NLRC5: variants seen among roughly 807,000 people sequenced by gnomAD.
The protein encoded by NLRC5 is NLR family CARD domain containing 5.
Under a neutral mutation model 206.9 loss-of-function variants are expected in NLRC5, and 114 were observed. The observed-to-expected ratio is 0.55, with a 90% CI of 0.47 to 0.64. The LOEUF (loss-of-function observed/expected upper bound fraction) is 0.64. Among genes scored for constraint, NLRC5 ranks in the 30% least tolerant of loss-of-function variants. NLRC5 has a pLI of 0.00. For missense variants in NLRC5, 2,008 were observed against 2,305.5 expected (o/e 0.87, Z 2.64); for synonymous variants, 952 against 962.8 (o/e 0.99, Z 0.21).
chr16:57,006,888 C>CATTATTATTATTATTATTATTATTATT (rs9302685), intron 1 of NLRC5, among the ~76,000 whole-genome samples: 2 of 144,058 alleles, frequency 1.4e-5, no homozygotes, highest in Admixed American at 7.0e-5. Context: ...ACCGTTAACA[C>CATTATTATTATTATTATTATTATTATT]ATTATTATTA....
chr16:57,030,485 T>A (rs1475133229), intron 10 of NLRC5, among the ~76,000 whole-genome samples: 1 of 136,032 alleles, frequency 7.4e-6, no homozygotes, highest in Non-Finnish European at 1.6e-5. Flanking sequence ...GATGGGTGGA[T>A]GAAAAGATGG....
At chr16:57,080,072 A>C (rs2068939033) in intron 46 of NLRC5, among the ~76,000 whole-genome samples, 1 of 152,164 alleles carries the variant, frequency 6.6e-6, no homozygotes. Flanking sequence ...GTCTCTTAGC[A>C]ATCAGAATCC....
chr16:57,029,405 G>A (rs773002284), intron 8 of NLRC5, among the ~76,000 whole-genome samples: 4 of 152,146 alleles, frequency 2.6e-5, no homozygotes, highest in Admixed American at 6.5e-5. Context: ...TGTCTGCAGC[G>A]TCCCAGTCTA....
At chr16:57,078,480 T>TTTGTTTTTTG (rs2068716595) in intron 43 of NLRC5, among the ~76,000 whole-genome samples, 2 of 146,572 alleles carry the variant, frequency 1.4e-5, no homozygotes, top group African/African-American at 5.1e-5. Context: ...TTTTTTTTTT[T>TTTGTTTTTTG]TTTTTTTTTT....
At chr16:57,007,185 G>A (rs57738835) in intron 1 of NLRC5, among the ~76,000 whole-genome samples, 3,849 of 152,190 alleles carry the variant, frequency 0.025, 142 homozygotes, top group African/African-American at 0.077. Flanking sequence ...CAAGCCTGTC[G>A]TCAGTTTCCT....
intron 11 of NLRC5, among the ~76,000 whole-genome samples, chr16:57,033,155 G>A (rs2062078145): frequency 1.3e-5 from 2 of 152,098 alleles, no homozygotes; most frequent in Admixed American, 1.3e-4. Context: ...CATGCTCCTC[G>A]CCTTCTGAAC....
At chr16:57,055,543 G>A in intron 27 of NLRC5, 24 bp downstream of exon 27, 18 of 1,599,934 alleles carry the variant, frequency 1.1e-5, no homozygotes, top group Non-Finnish European at 1.5e-5. Context: ...GGAGGAGGAA[G>A]GAGAGGAGCA....
At chr16:57,038,323 A>G (rs2062857201) in intron 15 of NLRC5, among the ~76,000 whole-genome samples, 3 of 152,200 alleles carry the variant, frequency 2.0e-5, no homozygotes, top group South Asian at 4.1e-4. Flanking sequence ...CAGTGACACA[A>G]TCACAGCTCA....
At chr16:57,018,410 A>G (rs1487725889) in intron 2 of NLRC5, among the ~76,000 whole-genome samples, 4 of 152,210 alleles carry the variant, frequency 2.6e-5, no homozygotes, top group African/African-American at 9.6e-5. Flanking sequence ...TTCCTTGGCC[A>G]TGGTCTTTCC....
intron 38 of NLRC5, among the ~76,000 whole-genome samples, chr16:57,072,714 A>ACACAGTGGCTATAAAAT (rs1338180294): frequency 5.5e-5 from 2 of 36,092 alleles, no homozygotes; most frequent in Non-Finnish European, 1.2e-4. Flanking sequence ...TGACCAAAAA[A>ACACAGTGGCTATAAAAT]GTTCCATCTT....
chr16:57,003,749 C>T (rs1347833987), intron 1 of NLRC5: 2 of 152,282 alleles, frequency 1.3e-5, no homozygotes, highest in African/African-American at 2.4e-5. Context: ...GCTCAGCTGC[C>T]TCTGCTACCC....
At chr16:57,019,337 C>G (rs962987138) in intron 2 of NLRC5, among the ~76,000 whole-genome samples, 1 of 152,128 alleles carries the variant, frequency 6.6e-6, no homozygotes, top group Non-Finnish European at 1.5e-5. Flanking sequence ...GCGGAGGCTG[C>G]AGTGAGCCGA....
At position 57,046,486 on chromosome 16, in the gene NLRC5, T is replaced by C. The variant is rs1406457284; in HGVS notation, c.3249-66T>C. The C allele has an allele frequency of 3.0e-6, 4 of 1,334,592 alleles. No individual in the cohort carries two copies. In the East Asian group the frequency reaches 9.2e-5, roughly 31 times the overall value. 82.7% of individuals were successfully genotyped at this position (1,334,592 alleles called of 1,614,324 possible). On this transcript the variant is annotated intron_variant, in intron 21 of 48. Coordinates refer to ENST00000688547, the MANE Select transcript of NLRC5 (RefSeq NM_001384950.1). ...CTAAACGATCCCCCTCCTAGGGGTATATGGGCTGGGCTGGGAGTCCGAGGG... is the reference window on the plus strand; with the variant it reads ...CTAAACGATCCCCCTCCTAGGGGTACATGGGCTGGGCTGGGAGTCCGAGGG...
chr16:57,015,389 G>T (rs1012270855), intron 1 of NLRC5, among the ~76,000 whole-genome samples: 1 of 152,078 alleles, frequency 6.6e-6, no homozygotes, highest in Non-Finnish European at 1.5e-5. Context: ...TTCAGTCCAC[G>T]GCAAGTTTTT....
intron 20 of NLRC5, chr16:57,043,809 C>T (rs1449128568): frequency 1.7e-6 from 1 of 595,696 alleles, no homozygotes; most frequent in African/African-American, 1.9e-5. Flanking sequence ...CTCACGGATG[C>T]TCAAATTTCT....
chr16:56,996,022 G>A (rs1339874140), intron 1 of NLRC5, among the ~76,000 whole-genome samples: 1 of 152,186 alleles, frequency 6.6e-6, no homozygotes, highest in Non-Finnish European at 1.5e-5. Flanking sequence ...GAAAGCCTCA[G>A]TCAGGTGCTA....
At position 57,051,634 on chromosome 16, in the gene NLRC5, T is replaced by A; in HGVS notation, c.3506+13T>A. On this transcript the variant is annotated intron_variant, in intron 24 of 48. Coordinates refer to ENST00000688547, the MANE Select transcript of NLRC5 (RefSeq NM_001384950.1). ...TGAGCCTGCTGCAGTAAGACGAGAGTTTTTCCTATTTCCCGGTTCCTTGTG... is the reference window on the plus strand; with the variant it reads ...TGAGCCTGCTGCAGTAAGACGAGAGATTTTCCTATTTCCCGGTTCCTTGTG... The A allele has an allele frequency of 6.2e-7, 1 of 1,606,450 alleles. No individual in the cohort carries two copies.
At chr16:57,006,823 T>G (rs1300650192) in intron 1 of NLRC5, among the ~76,000 whole-genome samples, 1 of 151,738 alleles carries the variant, frequency 6.6e-6, no homozygotes, top group Admixed American at 6.6e-5. Context: ...CGGATGAATT[T>G]CTTCCAGAAA....
Position 57,027,589 on chromosome 16 carries a change from G to C in NLRC5, c.2076-483G>C, listed in dbSNP as rs772257781. ...GAAGAGTCAGAGGTAGGTGGTCCAG[G>C]TCAGTGGAATGGCTCAGCTCCACGC... is the stretch of plus-strand genomic sequence containing the variant. On this transcript the variant is annotated intron_variant, in intron 6 of 48. Coordinates refer to ENST00000688547, the MANE Select transcript of NLRC5 (RefSeq NM_001384950.1). Among the ~76,000 whole-genome samples, 39 of 152,322 alleles carry C rather than the reference G, an allele frequency of 2.6e-4. 2 individuals are homozygous for C. The Middle Eastern group carries it at 0.041, about 159-fold the overall frequency.
Sources: gnomAD v4.1 joint callset for allele counts (sites outside exome capture counted in the v4.1 genomes callset) on GRCh38, gnomAD v4.1.1 for gene constraint, MANE v1.5 for transcripts, NCBI Gene and HGNC (gene_info 2026-07-23, HGNC 2026-07-21) for gene names.